Variants in SLC28A1 observed in about 807,000 individuals in gnomAD.
SLC28A1 encodes the protein sodium/nucleoside cotransporter 1.
In SLC28A1, 64 loss-of-function variants were observed where a neutral mutation model predicts 74.8. The ratio of observed to expected loss-of-function variants is 0.86; its 90% confidence interval spans 0.70 to 1.05. The LOEUF is 1.05. Ranked by LOEUF, SLC28A1 falls within the 50% of genes least tolerant of loss-of-function variation. The pLI is 0.00. For missense variants in SLC28A1, 828 were observed against 822.8 expected, an observed-to-expected ratio of 1.01 and a Z score of -0.08; for synonymous variants, 359 against 335.0, an observed-to-expected ratio of 1.07 and a Z score of -0.78.
chr15:84,890,674 G>A (rs1965276170), intron 5 of SLC28A1, 140 bp downstream of exon 5: 1 of 728,974 alleles, frequency 1.4e-6, no homozygotes, highest in East Asian at 2.7e-5. Context: ...CCCTTGCTGG[G>A]TACTGAGGCA....
chr15:84,920,889 G>A, intron 10 of SLC28A1, 100 bp from the exon 11 acceptor site: 1 of 909,236 alleles, frequency 1.1e-6, no homozygotes, highest in East Asian at 2.4e-5. Context: ...ACACTGGGCT[G>A]GGAGTTGGGA....
At position 84,887,653 on chromosome 15, in the gene SLC28A1, C is replaced by T; in HGVS notation, c.-16-92C>T. On this transcript the variant is annotated intron_variant, in intron 2 of 18. Transcript: ENST00000394573. The stretch of plus-strand genomic sequence containing the variant: ...TGGCTGTGCCAGGCATCTGCTCCCC[C>T]CACTCAGTCCTCTCCCCTTTCCCCG... The T allele has an allele frequency of 4.5e-6, 7 of 1,560,016 alleles. No homozygotes were observed. In the South Asian group the frequency reaches 8.1e-5, roughly 18 times the overall value.
chr15:84,894,581 G>A (rs62020865), intron 5 of SLC28A1, among the ~76,000 whole-genome samples: 13,633 of 152,162 alleles, frequency 0.09, 789 homozygotes, highest in Admixed American at 0.12. Flanking sequence ...TGATGGGCTC[G>A]TCTCCTTCCT....
intron 6 of SLC28A1, 98 bp from the exon 7 acceptor site, chr15:84,903,999 C>T (rs1966851652): frequency 6.6e-7 from 1 of 1,525,272 alleles, no homozygotes; most frequent in African/African-American, 1.4e-5. Context: ...CTCCTCCCAG[C>T]CCTGAGCACC....
At chr15:84,923,725 G>A (rs537110923) in intron 11 of SLC28A1, among the ~76,000 whole-genome samples, 64 of 152,264 alleles carry the variant, frequency 4.2e-4, no homozygotes, top group Admixed American at 1.1e-3. Flanking sequence ...CAAAGGTGAC[G>A]TGCTTAGCGG....
intron 9 of SLC28A1, among the ~76,000 whole-genome samples, chr15:84,915,703 C>CA (rs1567154548): frequency 6.6e-6 from 1 of 152,194 alleles, no homozygotes; most frequent in African/African-American, 2.4e-5. Flanking sequence ...ATGCCCCTGA[C>CA]ACAGTGCTAG....
intron 11 of SLC28A1, among the ~76,000 whole-genome samples, chr15:84,922,733 G>T (rs529609327): frequency 5.3e-5 from 8 of 152,338 alleles, no homozygotes; most frequent in African/African-American, 1.9e-4. Flanking sequence ...CTCTGTCTCA[G>T]GCGGCTCCCC....
At chr15:84,939,272 A>G (rs1168614912) in intron 15 of SLC28A1, among the ~76,000 whole-genome samples, 1 of 152,086 alleles carries the variant, frequency 6.6e-6, no homozygotes, top group African/African-American at 2.4e-5. Flanking sequence ...GTGAGCTATG[A>G]TTTTGCCACT....
chr15:84,925,079 T>TTG (rs1970341977), intron 12 of SLC28A1, among the ~76,000 whole-genome samples: 1 of 140,696 alleles, frequency 7.1e-6, no homozygotes, highest in South Asian at 2.3e-4. Flanking sequence ...TTTTTTTTTT[T>TTG]TTTTTTTTTT....
In SLC28A1 at chr15:84,945,497, C is replaced by G. The variant is rs77582141; in HGVS notation, c.*297C>G. ...TTTCCCCTCCACATCCAAACAGCAC[C>G]CTGGTCCTCTCTATCCCCCCTCTCC... On this transcript the variant is annotated 3_prime_UTR_variant, in exon 19 of 19. Coordinates refer to ENST00000394573, the MANE Select transcript of SLC28A1 (RefSeq NM_004213.5). 579 of 428,872 alleles carry G rather than the reference C, an allele frequency of 1.4e-3. 8 individuals carry two copies. The East Asian group carries it at 0.029, about 22-fold the overall frequency. 26.6% of individuals were successfully genotyped at this position (428,872 alleles called of 1,614,324 possible). A position where few individuals can be genotyped will look rare whatever the true frequency, so the allele number is the denominator to read the frequency against.
At chr15:84,964,541 G>T in the SLC28A1 span, among the ~76,000 whole-genome samples, 1 of 152,228 alleles carries the variant, frequency 6.6e-6, no homozygotes, top group Non-Finnish European at 1.5e-5. Flanking sequence ...TACATGATGT[G>T]AGATTTTTAA....
intron 15 of SLC28A1, among the ~76,000 whole-genome samples, chr15:84,935,940 GTTTGGTT>G (rs201290755): frequency 0.015 from 1,665 of 110,890 alleles, 369 homozygotes; most frequent in Middle Eastern, 0.048. Flanking sequence ...TTTTGTTTTG[GTTTGGTT>G]TTTGTTTTTT....
chr15:84,935,100 C>A lies in SLC28A1; in HGVS notation c.1289C>A (p.Ala430Asp), dbSNP rs1419759807. 1.2e-6 allele frequency: 2 copies of A among 1,614,012 alleles called. No homozygotes were observed. Among genetic ancestry groups the A allele is most frequent in the South Asian group, 2.2e-5 (2 of 91,078 alleles). ...GTGAAGGTGGTCGCCAACATCGCTG[C>A]CAACCTGATTGCGTTCCTGGCTGTG... ...ISVKVVANIA[A>D]NLIAFLAVLD... is the part of the protein sequence containing the mutation. The change falls in exon 14 of 19, where the codon GCC becomes GAC. Residue 430 changes from alanine to aspartate, a missense_variant. Ala to Asp is a moderately radical substitution (Grantham distance 126, BLOSUM62 -2). Around this residue, in one of 3 missense-constraint regions of SLC28A1, gnomAD observed 767 missense variants for 753.5 expected, o/e 1.02. Coordinates refer to ENST00000394573, the MANE Select transcript of SLC28A1 (RefSeq NM_004213.5).
chr15:84,904,279 C>T (rs775119580), intron 7 of SLC28A1, 41 bp downstream of exon 7: 9 of 1,611,488 alleles, frequency 5.6e-6, no homozygotes, highest in Non-Finnish European at 3.4e-6. Context: ...AAGTGTTTGC[C>T]TCTCTCTTCT....
Position 84,895,009 on chromosome 15 carries a change from C to T in SLC28A1, c.347C>T (p.Thr116Ile), listed in dbSNP as rs1207989964. The T allele has an allele frequency of 2.5e-6, 4 of 1,614,070 alleles. No homozygotes were observed. Among genetic ancestry groups the T allele is most frequent in the East Asian group, 4.5e-5 (2 of 44,894 alleles). ...AGGGCCCTGGCTCTGTTTGTCCTCACCTGTGTGGTCCTCACCTTCCTGGGC... is the reference window on the plus strand; with the variant it reads ...AGGGCCCTGGCTCTGTTTGTCCTCATCTGTGTGGTCCTCACCTTCCTGGGC... ...FQRALALFVL[T>I]CVVLTFLGHR... Residue 116 changes from threonine (T) to isoleucine (I), a missense_variant, in exon 6 of 19, where the codon ACC (threonine) becomes ATC (isoleucine). By Grantham distance (89) the Thr-to-Ile change is moderately conservative (BLOSUM62 -1). Transcript: ENST00000394573.
intron 12 of SLC28A1, among the ~76,000 whole-genome samples, chr15:84,928,138 CT>C (rs1336183074): frequency 3.3e-5 from 5 of 152,212 alleles, no homozygotes; most frequent in African/African-American, 1.2e-4. Context: ...GGCAGTCTGG[CT>C]TCCCCATTGA....
rs113748249 is a variant in SLC28A1, at chr15:84,908,766, G to T, written c.766G>T (p.Ala256Ser). 1,005 of 1,613,892 alleles carry T rather than the reference G, an allele frequency of 6.2e-4. No individual in the cohort carries two copies. The highest frequency in any genetic ancestry group is 8.2e-4 in the Non-Finnish European group (970 of 1,180,018). The change falls in exon 9 of 19, where the codon GCG (alanine) becomes TCG (serine). Residue 256 changes from alanine (A) to serine (S), a missense_variant. Physicochemically the swap from Ala to Ser is moderately conservative, Grantham distance 99. Around this residue, in one of 3 missense-constraint regions of SLC28A1, gnomAD observed 767 missense variants for 753.5 expected, o/e 1.02. Coordinates refer to ENST00000394573, the MANE Select transcript of SLC28A1 (RefSeq NM_004213.5). ...TGGCTCCAGCTTCGTGTTTGGGGAG[G>T]CGCTGGTCAAGGATGTCTTTGCCTT... ...KAGSSFVFGE[A>S]LVKDVFAFQV...
chr15:84,888,519 TG>T (rs1964878692), intron 3 of SLC28A1, among the ~76,000 whole-genome samples: 1 of 152,142 alleles, frequency 6.6e-6, no homozygotes, highest in South Asian at 2.1e-4. Context: ...CAGTCACAGC[TG>T]GGCCGCAGGT....
intron 15 of SLC28A1, chr15:84,938,667 A>G (rs1008604356): frequency 6.6e-6 from 1 of 152,174 alleles, no homozygotes; most frequent in Non-Finnish European, 1.5e-5. Context: ...ACATGTAGTG[A>G]GAGACACAGG....
Sources: gnomAD v4.1 joint callset for allele counts (sites outside exome capture counted in the v4.1 genomes callset) on GRCh38, gnomAD v4.1.1 for gene constraint, gnomAD v4.1.1 regional missense constraint, MANE v1.5 for transcripts, NCBI Gene and HGNC (gene_info 2026-07-23, HGNC 2026-07-21) for gene names.